The following DCC variants were observed in gnomAD, a reference collection of about 807,000 sequenced individuals.
The protein encoded by DCC is netrin receptor DCC.
A neutral mutation model predicts 172.5 loss-of-function variants in DCC; 58 were observed. That is an observed-to-expected ratio of 0.34 (90% confidence interval 0.27 to 0.42). The LOEUF (loss-of-function observed/expected upper bound fraction) is 0.42, where lower values mean the gene tolerates loss of function less well. DCC is among the 10% of genes least tolerant of loss of function. The probability of loss-of-function intolerance (pLI) is 1.00; values close to 1 mark genes in which losing one functional copy is unlikely to be tolerated. For missense variants in DCC, 1,740 were observed against 1,791.0 expected, an observed-to-expected ratio of 0.97 and a Z score of 0.51; for synonymous variants, 709 against 644.5, an observed-to-expected ratio of 1.10 and a Z score of -1.52.
intron 5 of DCC, among the ~76,000 whole-genome samples, chr18:52,947,259 T>C (rs1032725080): frequency 1.3e-5 from 2 of 152,238 alleles, no homozygotes; most frequent in Admixed American, 6.5e-5. Context: ...AACTAAATTA[T>C]GTAAAAATAA....
At chr18:53,275,429 C>A (rs1366346378) in intron 12 of DCC, among the ~76,000 whole-genome samples, 1 of 152,110 alleles carries the variant, frequency 6.6e-6, no homozygotes, top group Non-Finnish European at 1.5e-5. Flanking sequence ...CTGAATTCTA[C>A]AGTCTAACTA....
chr18:53,123,443 T>C (rs1245752412), intron 7 of DCC, among the ~76,000 whole-genome samples: 1 of 151,978 alleles, frequency 6.6e-6, no homozygotes, highest in Non-Finnish European at 1.5e-5. Flanking sequence ...GCTAGAGAGA[T>C]GAACAGCAGC....
rs1489298218 is a variant in DCC at position 53,499,492 on chromosome 18, C to A, written c.4093C>A (p.Pro1365Thr). Residue 1365 changes from proline (P) to threonine (T), a missense_variant, in exon 27 of 29, where the codon CCA becomes ACA. Pro to Thr is a conservative substitution (Grantham distance 38, BLOSUM62 -1). Coordinates refer to ENST00000442544, the MANE Select transcript of DCC (RefSeq NM_005215.4). ...AATAGAACCGAAAGTCCCTTACACACCACTTTTGTCTCAGCCAGGTAAAGT... is the reference window on the plus strand; with the variant it reads ...AATAGAACCGAAAGTCCCTTACACAACACTTTTGTCTCAGCCAGGTAAAGT... ...SAIEPKVPYT[P>T]LLSQPGPTLP... 3 of 1,613,924 alleles carry A rather than the reference C, an allele frequency of 1.9e-6. No homozygotes were observed. Among genetic ancestry groups the A allele is most frequent in the East Asian group, 4.5e-5 (2 of 44,886 alleles).
At chr18:53,041,087 T>C (rs1003703239) in intron 5 of DCC, among the ~76,000 whole-genome samples, 2 of 124,706 alleles carry the variant, frequency 1.6e-5, no homozygotes, top group African/African-American at 3.4e-5. Flanking sequence ...GCTTTTGGTG[T>C]TTTAGTCATA....
chr18:52,621,151 C>G (rs1033119699), intron 1 of DCC, among the ~76,000 whole-genome samples: 12 of 152,336 alleles, frequency 7.9e-5, no homozygotes, highest in Middle Eastern at 3.4e-3. Flanking sequence ...TTAACTACCA[C>G]TGCTTTTTAT....
chr18:52,379,374 G>A (rs1985490565), intron 1 of DCC, among the ~76,000 whole-genome samples: 1 of 152,028 alleles, frequency 6.6e-6, no homozygotes, highest in Non-Finnish European at 1.5e-5. Context: ...CTGCTTATTA[G>A]CTTGTGATCT....
At chr18:53,408,347 T>C (rs1909791053) in intron 19 of DCC, among the ~76,000 whole-genome samples, 1 of 152,194 alleles carries the variant, frequency 6.6e-6, no homozygotes, top group South Asian at 2.1e-4. Context: ...TGAGGTCTCA[T>C]CTTTGGTTTC....
Position 53,267,488 on chromosome 18 carries a change from A to AT in DCC, c.1912-38089dup, listed in dbSNP as rs1347888672. 5.4e-5 allele frequency among the ~76,000 whole-genome samples: 8 copies of AT among 149,136 alleles called. No homozygotes were observed. In the South Asian group the frequency reaches 1.7e-3, roughly 32 times the overall value. ...AGGCATGAGCCACTGTGCCCGGCCA[A>AT]TATTCTTTTGAGACAGGGTCTTTCT... is the stretch of plus-strand genomic sequence containing the variant. On this transcript the variant is annotated intron_variant, in intron 12 of 28. Transcript: ENST00000442544.
chr18:53,340,701 AAATAT>A (rs1396437268), intron 15 of DCC, among the ~76,000 whole-genome samples: 21 of 152,218 alleles, frequency 1.4e-4, no homozygotes, highest in Non-Finnish European at 4.4e-5. Context: ...GAAATAAAGT[AAATAT>A]AATATATCAG....
rs574869448 is a variant in DCC at position 52,917,922 on chromosome 18, T to G, written c.698-5785T>G. ...CTTTGTACATTTACGTTCATGAGCATCACATTAAAGAGGTATGCTTTTGTA... is the reference window on the plus strand; with the variant it reads ...CTTTGTACATTTACGTTCATGAGCAGCACATTAAAGAGGTATGCTTTTGTA... On this transcript the variant is annotated intron_variant, in intron 3 of 28. Transcript: ENST00000442544. 2.0e-5 allele frequency among the ~76,000 whole-genome samples: 3 copies of G among 152,312 alleles called. No individual in the cohort carries two copies. The South Asian group carries it at 6.2e-4, about 32-fold the overall frequency.
chr18:52,753,968 T>A (rs2037038127), intron 2 of DCC: 1 of 152,170 alleles, frequency 6.6e-6, no homozygotes, highest in Admixed American at 6.6e-5. Flanking sequence ...ATTTAAGTTA[T>A]GAATGGGTAA....
At chr18:52,635,266 C>T (rs183133519) in intron 1 of DCC, among the ~76,000 whole-genome samples, 1 of 152,214 alleles carries the variant, frequency 6.6e-6, no homozygotes, top group Admixed American at 6.5e-5. Context: ...CTTTCCATAG[C>T]TTCACAACAG....
At chr18:53,208,513 A>G (rs960181540) in intron 11 of DCC, among the ~76,000 whole-genome samples, 1 of 151,952 alleles carries the variant, frequency 6.6e-6, no homozygotes, top group Non-Finnish European at 1.5e-5. Context: ...ATGATAGACA[A>G]TCCCCCTATA....
chr18:53,335,551 A>G (rs372745371), intron 14 of DCC, among the ~76,000 whole-genome samples: 51 of 152,312 alleles, frequency 3.3e-4, no homozygotes, highest in African/African-American at 1.2e-3. Context: ...CATATATTAC[A>G]TATGTTACAA....
intron 1 of DCC, among the ~76,000 whole-genome samples, chr18:52,695,643 T>C (rs2036000128): frequency 6.6e-6 from 1 of 152,168 alleles, no homozygotes; most frequent in African/African-American, 2.4e-5. Flanking sequence ...AAAACACAGT[T>C]GTGGCTATGG....
At chr18:53,512,173 A>G (rs1313519175) in intron 27 of DCC, among the ~76,000 whole-genome samples, 2 of 148,238 alleles carry the variant, frequency 1.3e-5, no homozygotes, top group African/African-American at 2.5e-5. Context: ...CAGCAGCCTA[A>G]CTGGGAGGCA....
chr18:53,204,696 A>G (rs1031819670), intron 9 of DCC, among the ~76,000 whole-genome samples: 3 of 152,232 alleles, frequency 2.0e-5, no homozygotes, highest in Non-Finnish European at 4.4e-5. Flanking sequence ...GAACACTAAA[A>G]TTCATTTAAT....
chr18:52,846,431 T>C (rs577885278), intron 2 of DCC, among the ~76,000 whole-genome samples: 1 of 152,142 alleles, frequency 6.6e-6, no homozygotes, highest in South Asian at 2.1e-4. Flanking sequence ...TGTCAGCTAC[T>C]GGGGAGTCTG....
chr18:53,358,650 A>T (rs2057908851), intron 15 of DCC, among the ~76,000 whole-genome samples: 1 of 147,054 alleles, frequency 6.8e-6, no homozygotes, highest in Non-Finnish European at 1.5e-5. Context: ...CCTCCCAAGT[A>T]GCTGGGATTA....
Sources: allele counts gnomAD v4.1 joint callset (sites outside exome capture counted in the v4.1 genomes callset), GRCh38; gene constraint gnomAD v4.1.1; transcripts MANE v1.5; gene names NCBI Gene and HGNC (gene_info 2026-07-23, HGNC 2026-07-21).